CNTN3: variants seen among roughly 807,000 people sequenced by gnomAD.
CNTN3 encodes contactin 3.
Under a neutral mutation model 119.1 loss-of-function variants are expected in CNTN3, and 60 were observed. The ratio of observed to expected loss-of-function variants is 0.50; its 90% CI spans 0.41 to 0.62. The LOEUF (loss-of-function observed/expected upper bound fraction) is 0.62. Ranked by LOEUF, CNTN3 falls within the 20% of genes least tolerant of loss-of-function variation. The pLI, the probability that CNTN3 is intolerant of heterozygous loss-of-function variation, is 0.00. For missense variants in CNTN3, 1,101 were observed against 1,242.4 expected, an observed-to-expected ratio of 0.89 and a Z score of 1.71; for synonymous variants, 450 against 438.7, an observed-to-expected ratio of 1.03 and a Z score of -0.32.
chr3:74,406,371 G>T (rs1342846935), intron 5 of CNTN3, among the ~76,000 whole-genome samples: 2 of 151,908 alleles, frequency 1.3e-5, no homozygotes, highest in African/African-American at 4.8e-5. Flanking sequence ...TGGGGAAAAT[G>T]TGTAAGGAAA....
intron 1 of CNTN3, among the ~76,000 whole-genome samples, chr3:74,605,360 G>A (rs1234930753): frequency 1.3e-5 from 2 of 151,970 alleles, no homozygotes; most frequent in African/African-American, 4.8e-5. Context: ...ATTCTACAAT[G>A]TGTACATATT....
At chr3:74,607,881 C>T (rs1575865914) in intron 1 of CNTN3, among the ~76,000 whole-genome samples, 1 of 152,066 alleles carries the variant, frequency 6.6e-6, no homozygotes, top group South Asian at 2.1e-4. Flanking sequence ...GGGATAAAAC[C>T]GTGTAGGGCT....
chr3:74,316,549 A>G (rs1205735863), intron 13 of CNTN3, among the ~76,000 whole-genome samples: 1 of 152,188 alleles, frequency 6.6e-6, no homozygotes, highest in African/African-American at 2.4e-5. Context: ...TGTTCACCAC[A>G]GTATTATTCA....
At position 74,262,827 on chromosome 3, in the gene CNTN3, A is replaced by G. The variant is rs1196815515; in HGVS notation, c.*1574T>C. The G allele has an allele frequency of 1.3e-5, 2 of 152,178 alleles. No individual in the cohort carries two copies. The highest frequency in any genetic ancestry group is 2.9e-5 in the Non-Finnish European group (2 of 67,986). 9.4% of individuals were successfully genotyped at this position (152,178 alleles called of 1,614,324 possible). A position where few individuals can be genotyped will look rare whatever the true frequency, so the allele number is the denominator to read the frequency against. On this transcript the variant is annotated 3_prime_UTR_variant, in exon 23 of 23. Transcript: ENST00000263665. ...GTAGCATAAAATACAAGTATTGGAG[A>G]AAGTGGAAATAACAATGGTCATATG...
chr3:74,504,199 T>C (rs1053515918), intron 2 of CNTN3, among the ~76,000 whole-genome samples: 5 of 152,124 alleles, frequency 3.3e-5, no homozygotes, highest in African/African-American at 7.2e-5. Context: ...TTATGTCATA[T>C]CTACATGGAA....
chr3:74,301,930 T>G, intron 14 of CNTN3, 125 bp from the exon 15 acceptor site: 1 of 1,042,820 alleles, frequency 9.6e-7, no homozygotes, highest in Non-Finnish European at 1.4e-6. Flanking sequence ...TCAGAAGCAC[T>G]TAGGGAAAAG....
At chr3:74,548,018 C>T (rs1424025907) in intron 1 of CNTN3, among the ~76,000 whole-genome samples, 1 of 152,158 alleles carries the variant, frequency 6.6e-6, no homozygotes, top group Non-Finnish European at 1.5e-5. Flanking sequence ...TGGATAACCA[C>T]TTGCATCAGT....
intron 4 of CNTN3, among the ~76,000 whole-genome samples, chr3:74,484,630 A>G (rs925112424): frequency 1.3e-5 from 2 of 152,200 alleles, no homozygotes; most frequent in African/African-American, 4.8e-5. Context: ...CTGGAAATCT[A>G]TATGTTTTAA....
chr3:74,560,485 T>C (rs1704136779), intron 1 of CNTN3, among the ~76,000 whole-genome samples: 2 of 152,174 alleles, frequency 1.3e-5, no homozygotes, highest in African/African-American at 4.8e-5. Context: ...TACAAACATA[T>C]GAATACATGC....
intron 5 of CNTN3, among the ~76,000 whole-genome samples, chr3:74,423,095 G>A (rs1701642638): frequency 6.6e-6 from 1 of 152,182 alleles, no homozygotes; most frequent in Admixed American, 6.5e-5. Context: ...AATATGGAGA[G>A]AAGTGCAGTC....
chr3:74,268,104 G>A (rs561635893), intron 20 of CNTN3, among the ~76,000 whole-genome samples: 1 of 152,196 alleles, frequency 6.6e-6, no homozygotes, highest in East Asian at 1.9e-4. Context: ...AAAAGTTAAT[G>A]AGGATTCCAT....
At chr3:74,493,472 T>C (rs961900836) in intron 3 of CNTN3, among the ~76,000 whole-genome samples, 2 of 152,120 alleles carry the variant, frequency 1.3e-5, no homozygotes, top group Admixed American at 6.6e-5. Context: ...GAAACAAACG[T>C]TGCATTTTAA....
At chr3:74,590,467 C>A (rs930005708) in intron 1 of CNTN3, among the ~76,000 whole-genome samples, 5 of 152,012 alleles carry the variant, frequency 3.3e-5, no homozygotes, top group African/African-American at 1.2e-4. Flanking sequence ...GAATGTACAA[C>A]ACAGAGACAG....
chr3:74,430,851 A>T (rs577890172), intron 4 of CNTN3, among the ~76,000 whole-genome samples: 1 of 152,252 alleles, frequency 6.6e-6, no homozygotes, highest in South Asian at 2.1e-4. Context: ...CCAGTTCCTC[A>T]TATTTCCTTA....
intron 5 of CNTN3, among the ~76,000 whole-genome samples, chr3:74,406,497 T>A (rs1575694639): frequency 6.6e-6 from 1 of 152,074 alleles, no homozygotes; most frequent in East Asian, 1.9e-4. Flanking sequence ...ATAATAAGCA[T>A]CGTTGCTTTT....
At chr3:74,590,579 G>A (rs1335370530) in intron 1 of CNTN3, among the ~76,000 whole-genome samples, 1 of 152,032 alleles carries the variant, frequency 6.6e-6, no homozygotes, top group African/African-American at 2.4e-5. Flanking sequence ...TTGACTCATT[G>A]ATTGGGGAAT....
chr3:74,302,272 G>T (rs1702475928), intron 14 of CNTN3, among the ~76,000 whole-genome samples: 1 of 152,126 alleles, frequency 6.6e-6, no homozygotes. Context: ...CAGCAGCTCA[G>T]GTTGGCAAAT....
At chr3:74,600,133 G>T (rs530910251) in intron 1 of CNTN3, among the ~76,000 whole-genome samples, 1 of 152,074 alleles carries the variant, frequency 6.6e-6, no homozygotes, top group Non-Finnish European at 1.5e-5. Flanking sequence ...AGAAGAGTGG[G>T]ACAATCAAGG....
intron 1 of CNTN3, among the ~76,000 whole-genome samples, chr3:74,610,143 T>G (rs1284644725): frequency 6.6e-6 from 1 of 151,890 alleles, no homozygotes; most frequent in Non-Finnish European, 1.5e-5. Flanking sequence ...GGCAACATGG[T>G]GAATTCCCAT....
Sources: gnomAD v4.1 joint callset for allele counts (sites outside exome capture counted in the v4.1 genomes callset) on GRCh38, gnomAD v4.1.1 for gene constraint, MANE v1.5 for transcripts, NCBI Gene and HGNC (gene_info 2026-07-23, HGNC 2026-07-21) for gene names.